Variants in MTHFD2L observed in about 807,000 individuals in gnomAD.
The protein encoded by MTHFD2L is bifunctional methylenetetrahydrofolate dehydrogenase/cyclohydrolase 2, mitochondrial.
Under a neutral mutation model 34.9 loss-of-function variants are expected in MTHFD2L, and 29 were observed. The ratio of observed to expected loss-of-function variants is 0.83; its 90% CI spans 0.62 to 1.13. The LOEUF (loss-of-function observed/expected upper bound fraction) is 1.13, where lower values mean the gene tolerates loss of function less well. Ranked by LOEUF, MTHFD2L falls within the 50% of genes most tolerant of loss-of-function variation. MTHFD2L has a pLI of 0.00. For synonymous variants in MTHFD2L, 167 were observed against 155.7 expected (o/e 1.07, Z -0.54); for missense variants, 481 against 446.5 (o/e 1.08, Z -0.70).
chr4:74,191,066 A>C (rs968629744), intron 3 of MTHFD2L, among the ~76,000 whole-genome samples: 2 of 151,844 alleles, frequency 1.3e-5, no homozygotes, highest in African/African-American at 4.8e-5. Context: ...ATGCCCATCT[A>C]ATTTTAGTAT....
At chr4:74,300,628 A>C (rs1052365969) in intron 7 of MTHFD2L, among the ~76,000 whole-genome samples, 1 of 152,056 alleles carries the variant, frequency 6.6e-6, no homozygotes, top group Non-Finnish European at 1.5e-5. Flanking sequence ...AAACCACCAT[A>C]CCATCAAGTA....
intron 1 of MTHFD2L, among the ~76,000 whole-genome samples, chr4:74,170,675 C>T (rs1478411874): frequency 1.3e-5 from 2 of 151,772 alleles, no homozygotes; most frequent in Non-Finnish European, 2.9e-5. Context: ...TTTCAAACCC[C>T]ATATCTGATA....
intron 1 of MTHFD2L, among the ~76,000 whole-genome samples, chr4:74,129,086 C>A (rs999720294): frequency 6.6e-6 from 1 of 151,678 alleles, no homozygotes; most frequent in Non-Finnish European, 1.5e-5. Flanking sequence ...ATTGTGGTTA[C>A]CTTGAGGCTT....
At chr4:74,207,125 C>T (rs1408682757) in intron 5 of MTHFD2L, among the ~76,000 whole-genome samples, 11 of 151,934 alleles carry the variant, frequency 7.2e-5, no homozygotes, top group African/African-American at 2.4e-4. Context: ...GTCTCGAACT[C>T]CTGAGCTCAA....
Position 74,199,958 on chromosome 4 carries a change from G to A in MTHFD2L, c.604+12G>A. The A allele has an allele frequency of 6.2e-7, 1 of 1,613,692 alleles. No homozygotes were observed. Among genetic ancestry groups the A allele is most frequent in the South Asian group, 1.1e-5 (1 of 91,020 alleles). On this transcript the variant is annotated intron_variant, in intron 4 of 7. Transcript: ENST00000325278. ...AATAAAAAGAACAGGTTGGTAATTTGTGGTCTGCAGGACATGGATGCTAGG... is the reference window on the plus strand; with the variant it reads ...AATAAAAAGAACAGGTTGGTAATTTATGGTCTGCAGGACATGGATGCTAGG...
At chr4:74,166,179 A>G (rs1362255595) in intron 1 of MTHFD2L, among the ~76,000 whole-genome samples, 1 of 152,234 alleles carries the variant, frequency 6.6e-6, no homozygotes, top group Admixed American at 6.5e-5. Flanking sequence ...GAAACAGCAG[A>G]AATCTGTTTT....
At chr4:74,212,287 G>C (rs1430317074) in intron 5 of MTHFD2L, among the ~76,000 whole-genome samples, 1 of 152,000 alleles carries the variant, frequency 6.6e-6, no homozygotes, top group Non-Finnish European at 1.5e-5. Flanking sequence ...TGTGATGTTA[G>C]GGTGTCGATT....
At chr4:74,291,703 A>T (rs1282973957) in intron 7 of MTHFD2L, among the ~76,000 whole-genome samples, 1 of 152,134 alleles carries the variant, frequency 6.6e-6, no homozygotes, top group Non-Finnish European at 1.5e-5. Context: ...GGCACTGCTT[A>T]CTCCCAAGTG....
In MTHFD2L at chr4:74,266,867, T is replaced by TA. The variant is rs1040346123; in HGVS notation, c.806-14552dup. 14 of 985,260 alleles carry TA rather than the reference T, an allele frequency of 1.4e-5. No individual in the cohort carries two copies. In the Admixed American group the frequency reaches 4.3e-4, roughly 30 times the overall value. The allele number at this position is 985,260 out of a possible 1,614,324, so 61.0% of individuals were successfully genotyped here. A position where few individuals can be genotyped will look rare whatever the true frequency, so the allele number is the denominator to read the frequency against. ...CATAAGAGGGGAATACTAGGGATTG[T>TA]AAAAAAGTAATTTGTTTTCTAAATA... On this transcript the variant is annotated intron_variant, in intron 6 of 7. Transcript: ENST00000325278.
chr4:74,251,569 T>C (rs991613667), intron 6 of MTHFD2L, among the ~76,000 whole-genome samples: 7 of 152,150 alleles, frequency 4.6e-5, no homozygotes, highest in African/African-American at 1.7e-4. Context: ...TTTTCACTCA[T>C]TCACCTGATG....
chr4:74,271,950 G>C (rs1746050985), intron 6 of MTHFD2L, among the ~76,000 whole-genome samples: 1 of 152,026 alleles, frequency 6.6e-6, no homozygotes, highest in Non-Finnish European at 1.5e-5. Flanking sequence ...AGTTTTAAGA[G>C]GGTATTATGT....
At chr4:74,181,048 C>T (rs1730070689) in intron 3 of MTHFD2L, among the ~76,000 whole-genome samples, 1 of 151,888 alleles carries the variant, frequency 6.6e-6, no homozygotes, top group African/African-American at 2.4e-5. Flanking sequence ...TCTTTTAAAA[C>T]TGGGAACCAG....
chr4:74,239,222 A>T (rs13116896), intron 6 of MTHFD2L, among the ~76,000 whole-genome samples: 1 of 151,944 alleles, frequency 6.6e-6, no homozygotes, highest in East Asian at 1.9e-4. Flanking sequence ...ATTCTGAGCA[A>T]ACTGTCACAA....
intron 5 of MTHFD2L, among the ~76,000 whole-genome samples, chr4:74,210,867 C>A (rs1049094463): frequency 6.6e-6 from 1 of 152,078 alleles, no homozygotes; most frequent in African/African-American, 2.4e-5. Context: ...TTTCCTTGAG[C>A]AGTGGTTTGT....
chr4:74,207,383 G>T (rs994875568), intron 5 of MTHFD2L, among the ~76,000 whole-genome samples: 1 of 152,174 alleles, frequency 6.6e-6, no homozygotes, highest in African/African-American at 2.4e-5. Flanking sequence ...TATTTTGACA[G>T]GGCCAGCAAC....
At chr4:74,138,107 ATAAG>A (rs542214790) in intron 1 of MTHFD2L, among the ~76,000 whole-genome samples, 18 of 152,214 alleles carry the variant, frequency 1.2e-4, no homozygotes, top group African/African-American at 4.1e-4. Flanking sequence ...AAATAAATAA[ATAAG>A]TAAATTCGGC....
At position 74,165,360 on chromosome 4, in the gene MTHFD2L, CTTTG is replaced by C. The variant is rs147158093; in HGVS notation, c.143+7083_143+7086del. ...TGAAAAAAGTTAATAAGATCTTATG[CTTTG>C]TTTATTTTTTTTGAGACAGAGTCTT... is the stretch of plus-strand genomic sequence containing the variant. On this transcript the variant is annotated intron_variant, in intron 1 of 7. Transcript: ENST00000325278. 4.2e-3 allele frequency among the ~76,000 whole-genome samples: 642 copies of C among 152,046 alleles called. 9 individuals carry two copies. Among genetic ancestry groups the C allele is most frequent in the East Asian group, 0.041 (212 of 5,176 alleles).
chr4:74,229,630 ATT>A (rs1739699675), intron 6 of MTHFD2L, among the ~76,000 whole-genome samples: 1 of 152,148 alleles, frequency 6.6e-6, no homozygotes, highest in Non-Finnish European at 1.5e-5. Flanking sequence ...AGACATGAAT[ATT>A]AGCTTATTTA....
chr4:74,152,572 T>C (rs1362061032), intron 1 of MTHFD2L, among the ~76,000 whole-genome samples: 2 of 152,096 alleles, frequency 1.3e-5, no homozygotes, highest in South Asian at 4.1e-4. Flanking sequence ...GTTTGTTATA[T>C]AGGTATACAT....
Sources: allele counts gnomAD v4.1 joint callset (sites outside exome capture counted in the v4.1 genomes callset), GRCh38; gene constraint gnomAD v4.1.1; transcripts MANE v1.5; gene names NCBI Gene and HGNC (gene_info 2026-07-23, HGNC 2026-07-21).